The following SLC17A7 variants were observed in gnomAD, a reference collection of about 807,000 sequenced individuals.
SLC17A7 encodes vesicular glutamate transporter 1.
SLC17A7 carries 15 observed loss-of-function variants against 59.1 expected under a neutral mutation model. The observed-to-expected ratio is 0.25, with a 90% CI of 0.17 to 0.39. The LOEUF (loss-of-function observed/expected upper bound fraction) is 0.39, where lower values mean the gene tolerates loss of function less well. Ranked by LOEUF, SLC17A7 falls within the 10% of genes least tolerant of loss-of-function variation. The pLI, the probability that SLC17A7 is intolerant of heterozygous loss-of-function variation, is 1.00. For synonymous variants in SLC17A7, 353 were observed against 308.9 expected (o/e 1.14, Z -1.50); for missense variants, 499 against 765.1 (o/e 0.65, Z 4.10).
At position 49,440,306 on chromosome 19, in the gene SLC17A7, G is replaced by A. The variant is rs184159953; in HGVS notation, c.62+1012C>T. Among the ~76,000 whole-genome samples the A allele has an allele frequency of 1.8e-4, 27 of 152,366 alleles. No individual in the cohort carries two copies. The South Asian group carries it at 1.9e-3, about 11-fold the overall frequency. ...AGGGGACAGGGCCTGAGGGCACGGCGGCAGGGGCATGGTGCTGATGAGGCC... is the reference window on the plus strand; with the variant it reads ...AGGGGACAGGGCCTGAGGGCACGGCAGCAGGGGCATGGTGCTGATGAGGCC... On this transcript the variant is annotated intron_variant, in intron 1 of 11. Coordinates refer to ENST00000221485, the MANE Select transcript of SLC17A7 (RefSeq NM_020309.4).
Position 49,431,463 on chromosome 19 carries a change from G to A in SLC17A7, c.1151-15C>T. The A allele has an allele frequency of 1.9e-6, 3 of 1,608,192 alleles. No homozygotes were observed. Among genetic ancestry groups the A allele is most frequent in the South Asian group, 2.2e-5 (2 of 90,892 alleles). On this transcript the variant is annotated splice_polypyrimidine_tract_variant and intron_variant, in intron 9 of 11. Transcript: ENST00000221485. The surrounding 1 kb of genome is among the most constrained non-coding windows in gnomAD (Gnocchi z 4.6). The stretch of plus-strand genomic sequence containing the variant: ...CATGCCGAAGCCTACGGGGGCGGGG[G>A]GGGCCCGCGTCTCCTGAGTGTCGGC...
rs766497169 is a variant in SLC17A7 at position 49,433,014 on chromosome 19, C to T, written c.868-54G>A. ...ACGGGGAGCGGGGCTGAGGGCTTCTCCGCGTCCCTTCAGGGACCACAGTGT... is the reference window on the plus strand; with the variant it reads ...ACGGGGAGCGGGGCTGAGGGCTTCTTCGCGTCCCTTCAGGGACCACAGTGT... On this transcript the variant is annotated intron_variant, in intron 7 of 11. Coordinates refer to ENST00000221485, the MANE Select transcript of SLC17A7 (RefSeq NM_020309.4). The surrounding 1 kb of genome is among the most constrained non-coding windows in gnomAD (Gnocchi z 5.7). 1 of 1,546,996 alleles carries T rather than the reference C, an allele frequency of 6.5e-7. No homozygotes were observed. Among genetic ancestry groups the T allele is most frequent in the Non-Finnish European group, 8.8e-7 (1 of 1,136,768 alleles).
chr19:49,434,914 G>C, intron 3 of SLC17A7, 32 bp from the exon 4 acceptor site: 1 of 1,592,950 alleles, frequency 6.3e-7, no homozygotes, highest in Non-Finnish European at 8.6e-7. Context: ...AAGAATCCAA[G>C]CTATCCAGCC....
intron 5 of SLC17A7, 127 bp downstream of exon 5, chr19:49,434,473 CAG>C: frequency 1.1e-6 from 1 of 897,882 alleles, no homozygotes; most frequent in Non-Finnish European, 1.6e-6. Context: ...AGTCCAGGTC[CAG>C]AGTCTCCTCC....
chr19:49,433,842 A>G lies in SLC17A7; in HGVS notation c.751T>C (p.Phe251Leu). ...GACTCGTAGGAGACGAGCAGCCAGA[A>G]CAGGTACCAGAAGATCCCGAAGCTG... ...YGSFGIFWYL[F>L]WLLVSYESPA... The change falls in exon 7 of 12, where the codon TTC becomes CTC. Residue 251 changes from phenylalanine to leucine, a missense_variant. Physicochemically the swap from Phe to Leu is conservative, Grantham distance 22 (BLOSUM62 0). Coordinates refer to ENST00000221485, the MANE Select transcript of SLC17A7 (RefSeq NM_020309.4). This position sits in a 1 kb window ranked among gnomAD's most constrained non-coding sequence, Gnocchi z 5.7. 1 of 1,612,766 alleles carries G rather than the reference A, an allele frequency of 6.2e-7. No homozygotes were observed. Among genetic ancestry groups the G allele is most frequent in the Non-Finnish European group, 8.5e-7 (1 of 1,179,106 alleles).
rs1175817919 is a variant in SLC17A7, at chr19:49,434,759, G to A, written c.549+9C>T. The A allele has an allele frequency of 1.2e-6, 2 of 1,614,166 alleles. No homozygotes were observed. The highest frequency in any genetic ancestry group is 4.5e-5 in the East Asian group (2 of 44,880). ...AGCGAGGGCAGGGTCATATCAGGCG[G>A]GGATTTACCTCTACCAACCCCTGCA... On this transcript the variant is annotated intron_variant, in intron 4 of 11. Coordinates refer to ENST00000221485, the MANE Select transcript of SLC17A7 (RefSeq NM_020309.4).
Position 49,438,470 on chromosome 19 carries a change from C to T in SLC17A7, c.63-1669G>A, listed in dbSNP as rs555283123. Among the ~76,000 whole-genome samples, 7 of 151,486 alleles carry T rather than the reference C, an allele frequency of 4.6e-5. No individual in the cohort carries two copies. The East Asian group carries it at 1.4e-3, about 29-fold the overall frequency. On this transcript the variant is annotated intron_variant, in intron 1 of 11. Coordinates refer to ENST00000221485, the MANE Select transcript of SLC17A7 (RefSeq NM_020309.4). Reference sequence around the variant, plus strand: ...CAGATGGAGGCGAGGGAGACTGGGACGGGGGAGGAAGGAACAGCCAGACGG... The same window carrying T: ...CAGATGGAGGCGAGGGAGACTGGGATGGGGGAGGAAGGAACAGCCAGACGG...
chr19:49,435,950 C>G (rs2122301152), intron 2 of SLC17A7: 1 of 154,960 alleles, frequency 6.5e-6, no homozygotes. Context: ...CCTGTAGTCC[C>G]AGCTGCTCAG....
chr19:49,439,047 A>G (rs2078990055), intron 1 of SLC17A7, among the ~76,000 whole-genome samples: 1 of 151,840 alleles, frequency 6.6e-6, no homozygotes, highest in African/African-American at 2.4e-5. Flanking sequence ...GAGAAGGGAG[A>G]CCCTAGATGT....
At position 49,431,272 on chromosome 19, in the gene SLC17A7, C is replaced by T; in HGVS notation, c.1261+66G>A. ...TTTTGTGAGGCTGAGAGGCCCCGTTCCTGAGCCAGGAAGTTCCCTACAGAG... is the reference window on the plus strand; with the variant it reads ...TTTTGTGAGGCTGAGAGGCCCCGTTTCTGAGCCAGGAAGTTCCCTACAGAG... On this transcript the variant is annotated intron_variant, in intron 10 of 11. Coordinates refer to ENST00000221485, the MANE Select transcript of SLC17A7 (RefSeq NM_020309.4). The surrounding 1 kb of genome is among the most constrained non-coding windows in gnomAD (Gnocchi z 4.6). 6.3e-7 allele frequency: 1 copy of T among 1,589,590 alleles called. No individual in the cohort carries two copies. The highest frequency in any genetic ancestry group is 1.1e-5 in the South Asian group (1 of 89,088).
Position 49,436,828 on chromosome 19 carries a change from C to T in SLC17A7, c.63-27G>A, listed in dbSNP as rs1217895315. 4 of 1,594,174 alleles carry T rather than the reference C, an allele frequency of 2.5e-6. No homozygotes were observed. The highest frequency in any genetic ancestry group is 3.4e-6 in the Non-Finnish European group (4 of 1,176,246). On this transcript the variant is annotated intron_variant, in intron 1 of 11. Transcript: ENST00000221485. This position sits in a 1 kb window ranked among gnomAD's most constrained non-coding sequence, Gnocchi z 4.1. ...TGCGGGACAGCAAGAGCCAGAGACTCGGAAGTCCAGGCCCCCAGCCCCCTC... is the reference window on the plus strand; with the variant it reads ...TGCGGGACAGCAAGAGCCAGAGACTTGGAAGTCCAGGCCCCCAGCCCCCTC...
Position 49,436,905 on chromosome 19 carries a change from C to G in SLC17A7, c.63-104G>C. 6.9e-7 allele frequency: 1 copy of G among 1,454,082 alleles called. No individual in the cohort carries two copies. Among genetic ancestry groups the G allele is most frequent in the South Asian group, 1.3e-5 (1 of 75,436 alleles). 90.1% of individuals were successfully genotyped at this position (1,454,082 alleles called of 1,614,324 possible). A position where few individuals can be genotyped will look rare whatever the true frequency, so the allele number is the denominator to read the frequency against. ...AACCTGCTTTTCAACATCCAGAATT[C>G]TAAGCCCGCACCTCCTCCTTCACCA... On this transcript the variant is annotated intron_variant, in intron 1 of 11. Transcript: ENST00000221485. The surrounding 1 kb of genome is among the most constrained non-coding windows in gnomAD (Gnocchi z 4.1).
intron 9 of SLC17A7, among the ~76,000 whole-genome samples, chr19:49,432,114 C>T (rs1568633916): frequency 2.0e-5 from 3 of 151,780 alleles, no homozygotes; most frequent in African/African-American, 2.4e-5. Context: ...CGCGCCACCA[C>T]GCCTAGCAAA....
chr19:49,439,961 A>G (rs796506866), intron 1 of SLC17A7, among the ~76,000 whole-genome samples: 35 of 151,602 alleles, frequency 2.3e-4, no homozygotes, highest in African/African-American at 8.5e-4. Flanking sequence ...CTGACTTCAC[A>G]CTGATGTATT....
At chr19:49,439,211 C>T (rs1489286358) in intron 1 of SLC17A7, among the ~76,000 whole-genome samples, 1 of 152,112 alleles carries the variant, frequency 6.6e-6, no homozygotes, top group Non-Finnish European at 1.5e-5. Context: ...GGATCTCTGT[C>T]CACTCCCCCA....
Position 49,430,742 on chromosome 19 carries a change from C to T in SLC17A7, c.1460G>A (p.Gly487Glu), listed in dbSNP as rs1190533685. ...LVHYGGVIFYGVFASGEKQPW... is the reference protein window; with the variant it reads ...LVHYGGVIFYEVFASGEKQPW... ...CTGCTTCTCTCCAGAAGCAAAGACC[C>T]CGTAGAAGATGACACCTCCATAGTG... The change falls in exon 12 of 12, where the codon GGG (glycine) becomes GAG (glutamate). Residue 487 changes from glycine (G) to glutamate (E), a missense_variant. Around this residue, in one of 3 missense-constraint regions of SLC17A7, gnomAD observed 323 missense variants for 607.2 expected, o/e 0.53. Coordinates refer to ENST00000221485, the MANE Select transcript of SLC17A7 (RefSeq NM_020309.4). The T allele has an allele frequency of 6.2e-7, 1 of 1,613,948 alleles. No homozygotes were observed. The highest frequency in any genetic ancestry group is 1.3e-5 in the African/African-American group (1 of 74,896).
Position 49,436,568 on chromosome 19 carries a change from C to T in SLC17A7, c.296G>A (p.Gly99Glu). ...AGCTACCTGCACCACCACGTGGCCC[C>T]CGCGGTGGGTCGTGCTGTTATTGAC... The part of the protein sequence containing the change: ...SMVNNSTTHR[G>E]GHVVVQKAQF... Residue 99 changes from glycine (G) to glutamate (E), a missense_variant, in exon 2 of 12, where the codon GGG becomes GAG. Gly to Glu is a moderately conservative substitution (Grantham distance 98). Transcript: ENST00000221485. This position sits in a 1 kb window ranked among gnomAD's most constrained non-coding sequence, Gnocchi z 4.1. 1 of 1,613,684 alleles carries T rather than the reference C, an allele frequency of 6.2e-7. No individual in the cohort carries two copies. The highest frequency in any genetic ancestry group is 8.5e-7 in the Non-Finnish European group (1 of 1,179,974).
intron 9 of SLC17A7, 130 bp downstream of exon 9, chr19:49,432,389 C>G: frequency 2.3e-6 from 3 of 1,287,868 alleles, no homozygotes; most frequent in Non-Finnish European, 3.2e-6. Flanking sequence ...TGGCCACGGC[C>G]CTTTGCATAG....
intron 8 of SLC17A7, 72 bp downstream of exon 8, chr19:49,432,739 G>A (rs1386868977): frequency 6.9e-6 from 11 of 1,600,200 alleles, no homozygotes; most frequent in Admixed American, 1.7e-5. Context: ...GCTCCTCCCT[G>A]CCTCGGGATC....
Sources: gnomAD v4.1 joint callset for allele counts (sites outside exome capture counted in the v4.1 genomes callset) on GRCh38, gnomAD v4.1.1 for gene constraint, gnomAD v4.1.1 regional missense constraint, Gnocchi (gnomAD v3.1) non-coding constraint, MANE v1.5 for transcripts, NCBI Gene and HGNC (gene_info 2026-07-23, HGNC 2026-07-21) for gene names.